BAZ2B: variants seen among roughly 807,000 people sequenced by gnomAD.
The protein encoded by BAZ2B is bromodomain adjacent to zinc finger domain 2B, also known as bromodomain adjacent to zinc finger domain protein 2B.
A neutral mutation model predicts 246.0 loss-of-function variants in BAZ2B; 91 were observed. The observed-to-expected ratio is 0.37, with a 90% CI of 0.31 to 0.44. The LOEUF is 0.44. Among genes scored for constraint, BAZ2B ranks in the 20% least tolerant of loss-of-function variants. BAZ2B has a pLI of 1.00. For synonymous variants in BAZ2B, 855 were observed against 860.0 expected, an observed-to-expected ratio of 0.99 and a Z score of 0.10; for missense variants, 2,332 against 2,533.7, an observed-to-expected ratio of 0.92 and a Z score of 1.71.
intron 2 of BAZ2B, among the ~76,000 whole-genome samples, chr2:159,528,751 A>T (rs1211347504): frequency 6.6e-6 from 1 of 151,956 alleles, no homozygotes; most frequent in Admixed American, 6.6e-5. Flanking sequence ...CCTTTTATTA[A>T]CCTCTAGTTA....
At chr2:159,360,570 A>ACTGG (rs2059578637) in intron 27 of BAZ2B, among the ~76,000 whole-genome samples, 1 of 57,096 alleles carries the variant, frequency 1.8e-5, no homozygotes, top group African/African-American at 4.7e-5. Context: ...TCAAGCTACC[A>ACTGG]CTTTCTTCAC....
chr2:159,637,490 G>C, the BAZ2B span, among the ~76,000 whole-genome samples: 1 of 152,234 alleles, frequency 6.6e-6, no homozygotes, highest in Non-Finnish European at 1.5e-5. Flanking sequence ...GAAACACTGG[G>C]GAAGGCCTCT....
chr2:159,558,063 C>T (rs1490483785), intron 1 of BAZ2B, among the ~76,000 whole-genome samples: 1 of 152,046 alleles, frequency 6.6e-6, no homozygotes, highest in Non-Finnish European at 1.5e-5. Context: ...CAGAAGGCTT[C>T]ATGCTAAACT....
intron 1 of BAZ2B, among the ~76,000 whole-genome samples, chr2:159,584,626 G>A (rs926421897): frequency 6.6e-6 from 1 of 152,102 alleles, no homozygotes; most frequent in Non-Finnish European, 1.5e-5. Context: ...CTTATAAGTG[G>A]GATATGAGAG....
chr2:159,412,805 T>G (rs2067034780), intron 13 of BAZ2B, among the ~76,000 whole-genome samples: 1 of 152,192 alleles, frequency 6.6e-6, no homozygotes, highest in Admixed American at 6.5e-5. Context: ...AATGTAGAGA[T>G]ATAAATCTTA....
the BAZ2B span, among the ~76,000 whole-genome samples, chr2:159,637,703 G>A: frequency 2.6e-4 from 40 of 152,142 alleles, no homozygotes; most frequent in Admixed American, 4.6e-4. Context: ...GACTACAGGC[G>A]CACACCACCA....
At position 159,374,716 on chromosome 2, in the gene BAZ2B, T is replaced by C; in HGVS notation, c.4043A>G (p.Glu1348Gly). 1 of 1,613,246 alleles carries C rather than the reference T, an allele frequency of 6.2e-7. No homozygotes were observed. The highest frequency in any genetic ancestry group is 8.5e-7 in the Non-Finnish European group (1 of 1,179,516). ...TTTACTCAGTTTTTCAATCTGTTTTTCCAGCTCTTCAACACTTGCTGCTTG... is the reference window on the plus strand; with the variant it reads ...TTTACTCAGTTTTTCAATCTGTTTTCCCAGCTCTTCAACACTTGCTGCTTG... ...GDQAASVEEL[E>G]KQIEKLSKQQ... The change falls in exon 26 of 37, where the codon GAA becomes GGA. Residue 1348 changes from glutamate to glycine, a missense_variant. By Grantham distance (98) the Glu-to-Gly change is moderately conservative. Transcript: ENST00000392783.
intron 17 of BAZ2B, among the ~76,000 whole-genome samples, chr2:159,400,171 T>C (rs2064760525): frequency 6.6e-6 from 1 of 152,214 alleles, no homozygotes; most frequent in South Asian, 2.1e-4. Flanking sequence ...AGGGATATGC[T>C]AGAAACCAGA....
At chr2:159,494,651 TG>T (rs1401382294) in intron 2 of BAZ2B, among the ~76,000 whole-genome samples, 1 of 152,208 alleles carries the variant, frequency 6.6e-6, no homozygotes, top group East Asian at 1.9e-4. Context: ...TTAATTTGGC[TG>T]GGCACCTGGA....
chr2:159,685,667 A>G, the BAZ2B span, among the ~76,000 whole-genome samples: 1 of 152,164 alleles, frequency 6.6e-6, no homozygotes, highest in Admixed American at 6.5e-5. Context: ...CCCATGGCCA[A>G]TGCTGGAATA....
At chr2:159,483,966 C>G (rs985507261) in intron 2 of BAZ2B, among the ~76,000 whole-genome samples, 2 of 151,890 alleles carry the variant, frequency 1.3e-5, no homozygotes, top group Admixed American at 6.6e-5. Flanking sequence ...TGATTTGATA[C>G]ATTATAGATG....
chr2:159,420,578 T>C (rs2068574305), intron 13 of BAZ2B, among the ~76,000 whole-genome samples: 1 of 152,208 alleles, frequency 6.6e-6, no homozygotes, highest in Non-Finnish European at 1.5e-5. Context: ...TGCTTAGATG[T>C]ATAGCTTTCT....
chr2:159,650,713 T>C, the BAZ2B span, among the ~76,000 whole-genome samples: 1 of 152,276 alleles, frequency 6.6e-6, no homozygotes, highest in Non-Finnish European at 1.5e-5. Flanking sequence ...CTGTGATATC[T>C]AGTGACCTTG....
chr2:159,485,238 C>T (rs1448246224), intron 2 of BAZ2B, among the ~76,000 whole-genome samples: 1 of 152,022 alleles, frequency 6.6e-6, no homozygotes, highest in East Asian at 1.9e-4. Flanking sequence ...AATAGCAAAA[C>T]AGAAACAAAA....
At chr2:159,689,739 CT>C in the BAZ2B span, 4 of 466,142 alleles carry the variant, frequency 8.6e-6, no homozygotes, top group East Asian at 4.7e-5. Context: ...TTTTCTATGT[CT>C]TTTCCAATGT....
chr2:159,704,772 G>A, the BAZ2B span, among the ~76,000 whole-genome samples: 5 of 151,900 alleles, frequency 3.3e-5, no homozygotes, highest in Admixed American at 2.0e-4. Context: ...GTGAGCCACC[G>A]CATTTGGGTT....
the BAZ2B span, among the ~76,000 whole-genome samples, chr2:159,678,048 G>A: frequency 2.0e-5 from 3 of 152,224 alleles, 1 homozygote; most frequent in African/African-American, 7.2e-5. Context: ...CTAGTCTCAC[G>A]CTATTACAGT....
In BAZ2B at chr2:159,349,111, C is replaced by T. The variant is rs2058288228; in HGVS notation, c.5033G>A (p.Ser1678Asn). The T allele has an allele frequency of 6.2e-7, 1 of 1,613,962 alleles. No homozygotes were observed. Among genetic ancestry groups the T allele is most frequent in the African/African-American group, 1.3e-5 (1 of 74,918 alleles). The change falls in exon 29 of 37, where the codon AGT becomes AAT. Residue 1678 changes from serine (S) to asparagine (N), a missense_variant. By Grantham distance (46) the Ser-to-Asn change is conservative. This residue lies in a region of BAZ2B where 676 missense variants were observed against 668.6 expected (regional missense o/e 1.01). Coordinates refer to ENST00000392783, the MANE Select transcript of BAZ2B (RefSeq NM_013450.4). ...TTCATTCTGTGGTACTGGAGATTCA[C>T]TTTTACTTGAAGCAACATTGGAAGT... The part of the protein sequence containing the change: ...FLTSNVASSK[S>N]ESPVPQNEKA...
chr2:159,684,101 C>G, the BAZ2B span, among the ~76,000 whole-genome samples: 3 of 152,208 alleles, frequency 2.0e-5, no homozygotes, highest in Non-Finnish European at 4.4e-5. Context: ...GCTTCTGTCA[C>G]TTAGCATAAT....
Sources: allele counts gnomAD v4.1 joint callset (sites outside exome capture counted in the v4.1 genomes callset), GRCh38; gene constraint gnomAD v4.1.1; regional missense constraint gnomAD v4.1.1; transcripts MANE v1.5; gene names NCBI Gene and HGNC (gene_info 2026-07-23, HGNC 2026-07-21).